TPRG1: variants seen among roughly 807,000 people sequenced by gnomAD.
The protein encoded by TPRG1 is tumor protein p63-regulated gene 1 protein.
TPRG1 carries 29 observed loss-of-function variants against 29.3 expected under a neutral mutation model. The observed-to-expected ratio is 0.99, with a 90% confidence interval of 0.74 to 1.35. The LOEUF (loss-of-function observed/expected upper bound fraction) is 1.35, where lower values mean the gene tolerates loss of function less well. TPRG1 is among the 40% of genes most tolerant of loss of function. TPRG1 has a pLI of 0.00. For synonymous variants in TPRG1, 130 were observed against 116.8 expected (o/e 1.11, Z -0.73); for missense variants, 327 against 335.0 (o/e 0.98, Z 0.19).
intron 3 of TPRG1, among the ~76,000 whole-genome samples, chr3:189,013,641 TG>T (rs1254814722): frequency 2.0e-5 from 3 of 152,150 alleles, no homozygotes; most frequent in Non-Finnish European, 4.4e-5. Flanking sequence ...CCACTATTAT[TG>T]TGTGGGATTT....
rs1724593578 is a variant in TPRG1 at position 189,324,846 on chromosome 3, T to C, written c.*4026T>C. 1 of 152,178 alleles carries C rather than the reference T, an allele frequency of 6.6e-6. No individual in the cohort carries two copies. The highest frequency in any genetic ancestry group is 2.1e-4 in the South Asian group (1 of 4,828). The allele number at this position is 152,178 out of a possible 1,614,324, so 9.4% of individuals were successfully genotyped here. A position where few individuals can be genotyped will look rare whatever the true frequency, so the allele number is the denominator to read the frequency against. On this transcript the variant is annotated 3_prime_UTR_variant, in exon 6 of 6. Coordinates refer to ENST00000345063, the MANE Select transcript of TPRG1 (RefSeq NM_198485.4). ...GTATTTGCACAGGGATGAATGCTCA[T>C]TGGCTCTTGGCCAACAATTATACAA...
At chr3:189,057,110 T>C (rs1407875682) in intron 4 of TPRG1, among the ~76,000 whole-genome samples, 1 of 152,154 alleles carries the variant, frequency 6.6e-6, no homozygotes, top group Non-Finnish European at 1.5e-5. Context: ...CCCGTTAGGA[T>C]TGGGGAGTTT....
intron 1 of TPRG1, among the ~76,000 whole-genome samples, chr3:189,205,842 C>T (rs1243351954): frequency 1.3e-5 from 2 of 152,162 alleles, no homozygotes; most frequent in African/African-American, 2.4e-5. Context: ...CATGTGTGAT[C>T]ATTACTAGCA....
chr3:189,213,204 T>TATAC lies in TPRG1; in HGVS notation c.211-2087_211-2086insTACA, dbSNP rs1735542721. 5.8e-5 allele frequency among the ~76,000 whole-genome samples: 8 copies of TATAC among 136,888 alleles called. No individual in the cohort carries two copies. In the South Asian group the frequency reaches 1.5e-3, roughly 25 times the overall value. The allele number at this position is 136,888 out of a possible 152,430, so 89.8% of individuals were successfully genotyped here. On this transcript the variant is annotated intron_variant, in intron 2 of 5. Transcript: ENST00000345063. ...ACCATTTTATATGTAATAATATATATAGTGTTTTGTAGCATGACTCAGTTA... is the reference window on the plus strand; with the variant it reads ...ACCATTTTATATGTAATAATATATATATACAGTGTTTTGTAGCATGACTCAGTTA...
chr3:189,100,868 G>C (rs574799333), intron 1 of TPRG1, among the ~76,000 whole-genome samples: 1 of 152,182 alleles, frequency 6.6e-6, no homozygotes, highest in Non-Finnish European at 1.5e-5. Flanking sequence ...TCTGGTAAAA[G>C]AAAATCCTGC....
At position 189,015,874 on chromosome 3, in the gene TPRG1, A is replaced by C. The variant is rs577783299; in HGVS notation, c.-659-7876A>C. Among the ~76,000 whole-genome samples the C allele has an allele frequency of 4.6e-5, 7 of 152,306 alleles. 1 individual carries two copies. Among genetic ancestry groups the C allele is most frequent in the Admixed American group, 3.9e-4 (6 of 15,298 alleles). On this transcript the variant is annotated intron_variant, in intron 3 of 10. Coordinates refer to the TPRG1 transcript ENST00000433971. ...CAAATGGATGTCTAGGCAGAAGTTT[A>C]CTGTAGGCACAGATCCCTCATGGAG...
At chr3:189,316,781 G>A (rs1025499654) in intron 5 of TPRG1, among the ~76,000 whole-genome samples, 1 of 152,202 alleles carries the variant, frequency 6.6e-6, no homozygotes, top group African/African-American at 2.4e-5. Context: ...GAGAGCCAGA[G>A]GTGGGTGCAT....
intron 4 of TPRG1, among the ~76,000 whole-genome samples, chr3:189,299,614 T>C (rs1720514418): frequency 6.6e-6 from 1 of 151,350 alleles, no homozygotes; most frequent in Non-Finnish European, 1.5e-5. Flanking sequence ...TTTGTTTTAT[T>C]TTGAGTTGTG....
intron 1 of TPRG1, among the ~76,000 whole-genome samples, chr3:189,196,445 C>G (rs1216995534): frequency 6.6e-6 from 1 of 152,110 alleles, no homozygotes; most frequent in East Asian, 1.9e-4. Flanking sequence ...ACTCACAGTT[C>G]CACATGGCTG....
chr3:189,188,519 T>C (rs1731256357), intron 1 of TPRG1, among the ~76,000 whole-genome samples: 1 of 152,158 alleles, frequency 6.6e-6, no homozygotes, highest in African/African-American at 2.4e-5. Flanking sequence ...GTCACTGCCA[T>C]CCTTCCCTTT....
chr3:189,182,447 A>G (rs942042521), intron 1 of TPRG1, among the ~76,000 whole-genome samples: 1 of 152,252 alleles, frequency 6.6e-6, no homozygotes, highest in Admixed American at 6.5e-5. Flanking sequence ...CAGTTAATTT[A>G]GGATTAAATT....
intron 4 of TPRG1, among the ~76,000 whole-genome samples, chr3:189,148,377 C>T (rs1357037868): frequency 6.6e-6 from 1 of 152,182 alleles, no homozygotes; most frequent in African/African-American, 2.4e-5. Context: ...CACGTGGTTA[C>T]AACTGAATAA....
At chr3:189,077,120 C>T (rs933285578) in intron 4 of TPRG1, among the ~76,000 whole-genome samples, 3 of 151,996 alleles carry the variant, frequency 2.0e-5, no homozygotes, top group Admixed American at 6.6e-5. Flanking sequence ...GAGAGTGTTC[C>T]GCAGTTTTTT....
At chr3:189,287,211 G>A (rs1366367487) in intron 4 of TPRG1, among the ~76,000 whole-genome samples, 5 of 152,086 alleles carry the variant, frequency 3.3e-5, no homozygotes, top group African/African-American at 1.2e-4. Flanking sequence ...CTTTCTCCCA[G>A]TGACGCTTTG....
intron 4 of TPRG1, among the ~76,000 whole-genome samples, chr3:189,258,673 TGC>T (rs1712384926): frequency 6.6e-6 from 1 of 152,208 alleles, no homozygotes. Context: ...TGATTGGGGC[TGC>T]TGCCTTTCTT....
At chr3:189,159,437 A>G (rs955445937) in intron 5 of TPRG1, among the ~76,000 whole-genome samples, 8 of 152,138 alleles carry the variant, frequency 5.3e-5, no homozygotes, top group African/African-American at 1.9e-4. Flanking sequence ...GAGACGGAGA[A>G]TTGAGGCGAA....
At chr3:189,067,679 G>A (rs944298586) in intron 4 of TPRG1, among the ~76,000 whole-genome samples, 1 of 152,116 alleles carries the variant, frequency 6.6e-6, no homozygotes, top group African/African-American at 2.4e-5. Flanking sequence ...AAATCAAAAT[G>A]GATTGAAGGC....
Position 189,159,868 on chromosome 3 carries a change from G to GTGTGT in TPRG1, c.-10+8996_-10+8997insTGTGT, listed in dbSNP as rs141895328. 5.1e-3 allele frequency among the ~76,000 whole-genome samples: 741 copies of GTGTGT among 146,680 alleles called. 10 individuals carry two copies. Among genetic ancestry groups the GTGTGT allele is most frequent in the African/African-American group, 0.014 (534 of 39,406 alleles). ...TGTGTGTGTGTGTGTGTGTGTGTGT[G>GTGTGT]GTGGTGGGGGTAGGGGTTCACGAGC... is the stretch of plus-strand genomic sequence containing the variant. On this transcript the variant is annotated intron_variant, in intron 5 of 6. Coordinates refer to the TPRG1 transcript ENST00000412373.
intron 3 of TPRG1, among the ~76,000 whole-genome samples, chr3:189,017,017 TC>T (rs1219103440): frequency 6.6e-6 from 1 of 152,164 alleles, no homozygotes; most frequent in African/African-American, 2.4e-5. Flanking sequence ...CTGGATGATA[TC>T]CTGAAATATG....
Sources: gnomAD v4.1 joint callset for allele counts (sites outside exome capture counted in the v4.1 genomes callset) on GRCh38, gnomAD v4.1.1 for gene constraint, MANE v1.5 for transcripts, NCBI Gene and HGNC (gene_info 2026-07-23, HGNC 2026-07-21) for gene names.